Variants in GSK3B observed in about 807,000 individuals in gnomAD.
GSK3B encodes glycogen synthase kinase 3 beta, also known as glycogen synthase kinase-3 beta.
In GSK3B, 15 loss-of-function variants were observed where a neutral mutation model predicts 56.4. The observed-to-expected ratio is 0.27, with a 90% CI of 0.18 to 0.41. The LOEUF is 0.41. Ranked by LOEUF, GSK3B falls within the 10% of genes least tolerant of loss-of-function variation. The pLI, the probability that GSK3B is intolerant of heterozygous loss-of-function variation, is 1.00. For missense variants in GSK3B, 300 were observed against 513.4 expected (o/e 0.58, Z 4.02); for synonymous variants, 181 against 188.9 (o/e 0.96, Z 0.34).
intron 1 of GSK3B, among the ~76,000 whole-genome samples, chr3:120,044,695 A>T (rs1229583708): frequency 6.6e-6 from 1 of 152,248 alleles, no homozygotes; most frequent in Non-Finnish European, 1.5e-5. Context: ...TATAATCAGC[A>T]GCGATTTATT....
chr3:120,052,885 G>A (rs1051965747), intron 1 of GSK3B, among the ~76,000 whole-genome samples: 1 of 152,164 alleles, frequency 6.6e-6, no homozygotes, highest in East Asian at 1.9e-4. Context: ...ATAGCCGTGT[G>A]AGATAGGTAC....
rs748536471 is a variant in GSK3B at position 119,863,405 on chromosome 3, G to A, written c.1096+14C>T. The A allele has an allele frequency of 1.7e-5, 28 of 1,603,846 alleles. No individual in the cohort carries two copies. The highest frequency in any genetic ancestry group is 8.8e-5 in the South Asian group (8 of 90,882). On this transcript the variant is annotated intron_variant, in intron 9 of 10. Transcript: ENST00000264235. ...TTCCTAGAACTGGTGAAGAGGCTAA[G>A]TGTTTGGAGTTACCTTGAGTGGTGA...
intron 7 of GSK3B, among the ~76,000 whole-genome samples, chr3:119,905,412 A>T (rs1315080364): frequency 6.6e-6 from 1 of 152,130 alleles, no homozygotes; most frequent in Admixed American, 6.5e-5. Context: ...GTATACAGTG[A>T]GCAAAAGCAG....
chr3:120,084,679 G>C (rs2058448854), intron 1 of GSK3B: 1 of 152,114 alleles, frequency 6.6e-6, no homozygotes, highest in African/African-American at 2.4e-5. Flanking sequence ...AAAATAGAAA[G>C]TTAAAAAATT....
intron 7 of GSK3B, among the ~76,000 whole-genome samples, chr3:119,877,679 A>G (rs1417925569): frequency 6.6e-6 from 1 of 152,158 alleles, no homozygotes; most frequent in Non-Finnish European, 1.5e-5. Flanking sequence ...GATACAAAGA[A>G]CAAGAGATTT....
intron 1 of GSK3B, among the ~76,000 whole-genome samples, chr3:120,081,627 C>T (rs1447779905): frequency 6.6e-6 from 1 of 152,174 alleles, no homozygotes; most frequent in Non-Finnish European, 1.5e-5. Flanking sequence ...TCAGCAATAG[C>T]TTGGTGACCT....
rs574351675 is a variant in GSK3B at position 120,030,165 on chromosome 3, C to T, written c.89-27926G>A. On this transcript the variant is annotated intron_variant, in intron 1 of 10. Coordinates refer to ENST00000264235, the MANE Select transcript of GSK3B (RefSeq NM_001146156.2). ...CCAAAAAACTCTGCTCACTTGAGGTCCTCCTATGCTAGTTCCTTCCCTATC... is the reference window on the plus strand; with the variant it reads ...CCAAAAAACTCTGCTCACTTGAGGTTCTCCTATGCTAGTTCCTTCCCTATC... Among the ~76,000 whole-genome samples, 147 of 152,248 alleles carry T rather than the reference C, an allele frequency of 9.7e-4. 2 individuals carry two copies. The Middle Eastern group carries it at 0.01, about 11-fold the overall frequency.
intron 1 of GSK3B, among the ~76,000 whole-genome samples, chr3:120,053,025 A>G (rs191028832): frequency 1.1e-4 from 16 of 152,194 alleles, no homozygotes; most frequent in Admixed American, 2.0e-4. Flanking sequence ...AGAGCTCTAC[A>G]TTCTAAGTAA....
intron 1 of GSK3B, among the ~76,000 whole-genome samples, chr3:120,013,277 C>A (rs1323413910): frequency 6.6e-6 from 1 of 152,258 alleles, no homozygotes; most frequent in East Asian, 1.9e-4. Flanking sequence ...TAATTTTATT[C>A]AAATGATAAA....
At chr3:119,970,613 TA>T (rs1170925404) in intron 2 of GSK3B, among the ~76,000 whole-genome samples, 50,917 of 114,270 alleles carry the variant, frequency 0.45, 10,516 homozygotes, top group East Asian at 0.57. Flanking sequence ...CTACTAAAAT[TA>T]AAAAAAAAAA....
chr3:120,057,174 C>T (rs890738894), intron 1 of GSK3B, among the ~76,000 whole-genome samples: 2 of 152,046 alleles, frequency 1.3e-5, no homozygotes, highest in African/African-American at 2.4e-5. Flanking sequence ...GAAAAAGAAC[C>T]TTCGAACTTA....
At chr3:120,087,576 T>G (rs1317424507) in intron 1 of GSK3B, among the ~76,000 whole-genome samples, 2 of 151,578 alleles carry the variant, frequency 1.3e-5, no homozygotes, top group Non-Finnish European at 2.9e-5. Flanking sequence ...TGATTTGAAA[T>G]AAGAATCAAG....
At chr3:119,832,907 G>A in intron 10 of GSK3B, 1 of 744,978 alleles carries the variant, frequency 1.3e-6, no homozygotes, top group African/African-American at 1.9e-5. Flanking sequence ...TTCTATATCT[G>A]GTATCATAAT....
chr3:119,896,264 C>T (rs189399613), intron 7 of GSK3B, among the ~76,000 whole-genome samples: 13 of 151,954 alleles, frequency 8.6e-5, no homozygotes, highest in South Asian at 4.2e-4. Context: ...GTTTTGATTA[C>T]GTAAACTATT....
At chr3:120,012,708 C>T (rs142696854) in intron 1 of GSK3B, among the ~76,000 whole-genome samples, 6 of 152,260 alleles carry the variant, frequency 3.9e-5, no homozygotes, top group African/African-American at 7.2e-5. Context: ...GAGACAGGGT[C>T]GTCCAGGTTA....
chr3:120,034,665 A>T (rs1360610639), intron 1 of GSK3B, among the ~76,000 whole-genome samples: 1 of 152,102 alleles, frequency 6.6e-6, no homozygotes, highest in Non-Finnish European at 1.5e-5. Context: ...TTTATTTTTC[A>T]ATTTTTGAGG....
intron 1 of GSK3B, among the ~76,000 whole-genome samples, chr3:120,057,300 T>C (rs1439967109): frequency 6.6e-6 from 1 of 152,168 alleles, no homozygotes; most frequent in Non-Finnish European, 1.5e-5. Context: ...AATTCTAGGA[T>C]TACATGTAAA....
intron 1 of GSK3B, among the ~76,000 whole-genome samples, chr3:120,016,835 A>G (rs1184446587): frequency 6.6e-6 from 1 of 152,232 alleles, no homozygotes; most frequent in Non-Finnish European, 1.5e-5. Context: ...CATAAACTGG[A>G]ATCAAGTGTA....
intron 9 of GSK3B, among the ~76,000 whole-genome samples, chr3:119,847,627 G>T (rs531853430): frequency 6.6e-6 from 1 of 152,108 alleles, no homozygotes; most frequent in African/African-American, 2.4e-5. Context: ...TATAACAAAG[G>T]CATTATCTAC....
Sources: allele counts gnomAD v4.1 joint callset (sites outside exome capture counted in the v4.1 genomes callset), GRCh38; gene constraint gnomAD v4.1.1; transcripts MANE v1.5; gene names NCBI Gene and HGNC (gene_info 2026-07-23, HGNC 2026-07-21).